Variants in FAM168A observed in about 807,000 individuals in gnomAD.
The protein encoded by FAM168A is protein FAM168A.
In FAM168A, 3 loss-of-function variants were observed where a neutral mutation model predicts 28.5. The observed-to-expected ratio is 0.11, with a 90% CI of 0.05 to 0.27. The LOEUF (loss-of-function observed/expected upper bound fraction) is 0.27. FAM168A is among the 10% of genes least tolerant of loss of function. FAM168A has a pLI of 1.00. For missense variants in FAM168A, 222 were observed against 311.5 expected, an observed-to-expected ratio of 0.71 and a Z score of 2.16; for synonymous variants, 122 against 124.2, an observed-to-expected ratio of 0.98 and a Z score of 0.12.
At chr11:73,495,400 G>A (rs1854852003) in intron 1 of FAM168A, among the ~76,000 whole-genome samples, 1 of 152,126 alleles carries the variant, frequency 6.6e-6, no homozygotes, top group Non-Finnish European at 1.5e-5. Flanking sequence ...ACCCAATCAA[G>A]AACAATGCAG....
chr11:73,543,663 G>C (rs531415507), intron 1 of FAM168A, among the ~76,000 whole-genome samples: 1 of 152,208 alleles, frequency 6.6e-6, no homozygotes, highest in South Asian at 2.1e-4. Context: ...TGCTAACTGA[G>C]TACTTTCAAT....
intron 1 of FAM168A, among the ~76,000 whole-genome samples, chr11:73,594,989 G>T (rs74837261): frequency 6.6e-6 from 1 of 152,008 alleles, no homozygotes; most frequent in Non-Finnish European, 1.5e-5. Context: ...CCAAGATATC[G>T]GGAGGATCAA....
At chr11:73,556,351 TA>T (rs113673490) in intron 1 of FAM168A, among the ~76,000 whole-genome samples, 97 of 143,044 alleles carry the variant, frequency 6.8e-4, no homozygotes, top group African/African-American at 1.3e-3. Context: ...TTGTCACTTT[TA>T]AAAAAAAAAA....
At chr11:73,540,752 T>C (rs971554862) in intron 1 of FAM168A, among the ~76,000 whole-genome samples, 1 of 152,190 alleles carries the variant, frequency 6.6e-6, no homozygotes, top group African/African-American at 2.4e-5. Flanking sequence ...TTATGGCCCT[T>C]ACATTATATT....
At chr11:73,586,548 G>A (rs970362118) in intron 1 of FAM168A, among the ~76,000 whole-genome samples, 2 of 152,214 alleles carry the variant, frequency 1.3e-5, no homozygotes, top group African/African-American at 4.8e-5. Context: ...CACAATGAAT[G>A]TTAATTTCCC....
intron 1 of FAM168A, among the ~76,000 whole-genome samples, chr11:73,541,139 A>C (rs1943651622): frequency 6.6e-6 from 1 of 151,960 alleles, no homozygotes; most frequent in South Asian, 2.1e-4. Context: ...TGCGAGGTGG[A>C]GGTTGCAGTG....
chr11:73,426,593 G>C (rs1469921873), intron 3 of FAM168A, among the ~76,000 whole-genome samples: 1 of 152,102 alleles, frequency 6.6e-6, no homozygotes, highest in Non-Finnish European at 1.5e-5. Flanking sequence ...GCTTCTCCAT[G>C]GTAGGAAGTC....
intron 1 of FAM168A, among the ~76,000 whole-genome samples, chr11:73,594,715 G>A (rs1944424516): frequency 1.3e-5 from 2 of 152,084 alleles, no homozygotes; most frequent in Non-Finnish European, 2.9e-5. Context: ...TTGTAGTAGA[G>A]ATGGGGTTTT....
Position 73,403,575 on chromosome 11 carries a change from G to T in FAM168A, c.*3188C>A, listed in dbSNP as rs553766823. 6.6e-6 allele frequency: 1 copy of T among 152,228 alleles called. No homozygotes were observed. Among genetic ancestry groups the T allele is most frequent in the African/African-American group, 2.4e-5 (1 of 41,510 alleles). 9.4% of individuals were successfully genotyped at this position (152,228 alleles called of 1,614,324 possible). On this transcript the variant is annotated 3_prime_UTR_variant, in exon 8 of 8. Transcript: ENST00000356467. Reference sequence around the variant, plus strand: ...ACGGCCCTTCCAGCTCTGACTTTTTGTCTAGCTTGACCACCGTGCCATCTA... The same window carrying T: ...ACGGCCCTTCCAGCTCTGACTTTTTTTCTAGCTTGACCACCGTGCCATCTA...
At chr11:73,514,570 C>T (rs1412710081) in intron 1 of FAM168A, among the ~76,000 whole-genome samples, 2 of 152,150 alleles carry the variant, frequency 1.3e-5, no homozygotes, top group Non-Finnish European at 2.9e-5. Context: ...CAGTGGCTCA[C>T]ATCTGTAATC....
intron 1 of FAM168A, among the ~76,000 whole-genome samples, chr11:73,471,667 T>C (rs1308054480): frequency 3.3e-5 from 5 of 152,182 alleles, no homozygotes; most frequent in East Asian, 3.9e-4. Flanking sequence ...TAAGGAGATT[T>C]TGTTGCCCAG....
intron 1 of FAM168A, among the ~76,000 whole-genome samples, chr11:73,495,342 T>A (rs1424035596): frequency 3.9e-5 from 6 of 151,994 alleles, no homozygotes; most frequent in African/African-American, 1.5e-4. Context: ...ATTAAATAAA[T>A]AAATAAATAA....
chr11:73,549,765 T>C (rs1691404447), intron 1 of FAM168A, among the ~76,000 whole-genome samples: 1 of 152,186 alleles, frequency 6.6e-6, no homozygotes, highest in Non-Finnish European at 1.5e-5. Flanking sequence ...CTAGCATCAG[T>C]GTAATAACCC....
At chr11:73,496,607 C>T (rs1268168060) in intron 1 of FAM168A, among the ~76,000 whole-genome samples, 2 of 152,230 alleles carry the variant, frequency 1.3e-5, no homozygotes, top group Non-Finnish European at 2.9e-5. Context: ...GTCGCCCAGG[C>T]TGGAGTGCAG....
intron 1 of FAM168A, among the ~76,000 whole-genome samples, chr11:73,484,528 C>CTATATATA (rs1306391062): frequency 7.2e-6 from 1 of 138,520 alleles, no homozygotes; most frequent in African/African-American, 2.9e-5. Context: ...ATATATATAT[C>CTATATATA]TATATATCTA....
chr11:73,530,420 A>G (rs1943502609), intron 1 of FAM168A, among the ~76,000 whole-genome samples: 2 of 152,304 alleles, frequency 1.3e-5, no homozygotes, highest in South Asian at 4.1e-4. Flanking sequence ...CAAAGTAGCA[A>G]GTAGATCAGT....
intron 3 of FAM168A, among the ~76,000 whole-genome samples, chr11:73,422,226 A>G (rs1375908243): frequency 6.6e-6 from 1 of 152,216 alleles, no homozygotes; most frequent in Non-Finnish European, 1.5e-5. Flanking sequence ...ACCAGGAAAG[A>G]AGCAAGTGCG....
At chr11:73,594,266 A>T (rs976160598) in intron 1 of FAM168A, among the ~76,000 whole-genome samples, 3 of 142,818 alleles carry the variant, frequency 2.1e-5, no homozygotes, top group Non-Finnish European at 3.1e-5. Context: ...CACCCAGCAA[A>T]TTTTTTTTTT....
At chr11:73,432,710 G>A (rs1047058975) in intron 2 of FAM168A, among the ~76,000 whole-genome samples, 1 of 151,842 alleles carries the variant, frequency 6.6e-6, no homozygotes. Context: ...TCAAGAGATC[G>A]AGACCAGCCT....
Sources: gnomAD v4.1 joint callset for allele counts (sites outside exome capture counted in the v4.1 genomes callset) on GRCh38, gnomAD v4.1.1 for gene constraint, MANE v1.5 for transcripts, NCBI Gene and HGNC (gene_info 2026-07-23, HGNC 2026-07-21) for gene names.